The following SLC71A2 variants were observed in gnomAD, a reference collection of about 807,000 sequenced individuals.
SLC71A2 encodes solute carrier family 71 member 2, also known as hippocampus abundant transcript-like 1.
At chr9:94,375,622 A>AT in the SLC71A2 span, among the ~76,000 whole-genome samples, 30,434 of 147,938 alleles carry the variant, frequency 0.21, 3,151 homozygotes, top group Middle Eastern at 0.29. Flanking sequence ...TTTAAAAAGG[A>AT]TTTTTTTTTT....
At chr9:94,450,798 C>T in the SLC71A2 span, among the ~76,000 whole-genome samples, 8 of 152,232 alleles carry the variant, frequency 5.3e-5, no homozygotes, top group African/African-American at 1.7e-4. Context: ...CCCAAAATAA[C>T]GTAACTTTTA....
At chr9:94,382,020 A>G in the SLC71A2 span, among the ~76,000 whole-genome samples, 4 of 149,660 alleles carry the variant, frequency 2.7e-5, no homozygotes, top group Non-Finnish European at 5.9e-5. Context: ...GTATCTTTCC[A>G]TAAGTTTTTT....
chr9:94,400,861 T>G, the SLC71A2 span, among the ~76,000 whole-genome samples: 1 of 152,210 alleles, frequency 6.6e-6, no homozygotes, highest in Non-Finnish European at 1.5e-5. Flanking sequence ...GTCCTGTGCT[T>G]CATCCATTTA....
chr9:94,431,433 T>C, the SLC71A2 span, among the ~76,000 whole-genome samples: 2 of 151,656 alleles, frequency 1.3e-5, no homozygotes, highest in African/African-American at 4.8e-5. Context: ...ATAAATCATA[T>C]TTATTATTTG....
the SLC71A2 span, among the ~76,000 whole-genome samples, chr9:94,414,490 CTTA>C: frequency 1.3e-5 from 2 of 152,174 alleles, no homozygotes; most frequent in Middle Eastern, 3.2e-3. Flanking sequence ...ACCCATCTCT[CTTA>C]TTATGTAGGT....
chr9:94,439,022 G>GTTTTTTTTTTTTTTTTT, the SLC71A2 span, among the ~76,000 whole-genome samples: 3 of 115,702 alleles, frequency 2.6e-5, no homozygotes, highest in Admixed American at 1.0e-4. Context: ...ATTTGAGTTC[G>GTTTTTTTTTTTTTTTTT]TTTTTTTTTT....
the SLC71A2 span, among the ~76,000 whole-genome samples, chr9:94,380,084 G>C: frequency 1.3e-5 from 2 of 152,216 alleles, no homozygotes; most frequent in African/African-American, 4.8e-5. Flanking sequence ...TGGCTGACGC[G>C]GTGAAACCCT....
the SLC71A2 span, among the ~76,000 whole-genome samples, chr9:94,414,557 A>T: frequency 6.6e-6 from 1 of 152,218 alleles, no homozygotes; most frequent in Non-Finnish European, 1.5e-5. Flanking sequence ...GTAATTCGTA[A>T]GGGACAGAGC....
At chr9:94,444,796 TCTTA>T in the SLC71A2 span, among the ~76,000 whole-genome samples, 4 of 152,254 alleles carry the variant, frequency 2.6e-5, no homozygotes, top group Non-Finnish European at 4.4e-5. Context: ...ATTTCTTTTG[TCTTA>T]CTTAAAGCCA....
the SLC71A2 span, chr9:94,459,559 T>A: frequency 1.5e-6 from 1 of 668,730 alleles, no homozygotes; most frequent in Non-Finnish European, 2.4e-6. Flanking sequence ...ATCATTCTGC[T>A]CATCCTCCTC....
At chr9:94,427,857 C>T in the SLC71A2 span, among the ~76,000 whole-genome samples, 2 of 147,034 alleles carry the variant, frequency 1.4e-5, no homozygotes, top group African/African-American at 5.1e-5. Context: ...GGAGCAGTGG[C>T]TCACGCCTGT....
At chr9:94,402,331 C>T in the SLC71A2 span, among the ~76,000 whole-genome samples, 1 of 152,152 alleles carries the variant, frequency 6.6e-6, no homozygotes, top group Non-Finnish European at 1.5e-5. Flanking sequence ...TCTTTTCTCT[C>T]TATTGCATTT....
At chr9:94,410,792 G>GTCTCA in the SLC71A2 span, among the ~76,000 whole-genome samples, 1 of 152,186 alleles carries the variant, frequency 6.6e-6, no homozygotes, top group African/African-American at 2.4e-5. Context: ...TTGAGATGGA[G>GTCTCA]TCTCACTCTT....
chr9:94,406,158 C>G, the SLC71A2 span, among the ~76,000 whole-genome samples: 12 of 130,392 alleles, frequency 9.2e-5, no homozygotes, highest in African/African-American at 3.2e-4. Context: ...AACTTGAACT[C>G]CCAGTTTCAA....
the SLC71A2 span, chr9:94,438,301 C>T: frequency 1.1e-5 from 15 of 1,367,364 alleles, no homozygotes; most frequent in South Asian, 1.9e-4. Flanking sequence ...GTTTTGGGGG[C>T]AGTACAATGA....
the SLC71A2 span, among the ~76,000 whole-genome samples, chr9:94,411,740 G>A: frequency 1.3e-4 from 20 of 152,048 alleles, no homozygotes; most frequent in South Asian, 8.3e-4. Flanking sequence ...ACAGGCACCC[G>A]CCACCAAGCC....
chr9:94,408,792 GA>G, the SLC71A2 span, among the ~76,000 whole-genome samples: 2 of 141,442 alleles, frequency 1.4e-5, no homozygotes, highest in Non-Finnish European at 3.1e-5. Context: ...TGGTTTTGTT[GA>G]TTTTCTCTTC....
At chr9:94,433,661 C>T in the SLC71A2 span, among the ~76,000 whole-genome samples, 38 of 152,098 alleles carry the variant, frequency 2.5e-4, no homozygotes, top group African/African-American at 8.2e-4. Flanking sequence ...AGAACTATGA[C>T]TAAAGTATTA....
At chr9:94,458,237 A>G in the SLC71A2 span, 3 of 1,224,790 alleles carry the variant, frequency 2.4e-6, no homozygotes, top group Non-Finnish European at 3.4e-6. Context: ...TTAGTGTATC[A>G]TGGTTATGAG....
Sources: allele counts gnomAD v4.1 joint callset (sites outside exome capture counted in the v4.1 genomes callset), GRCh38; gene constraint gnomAD v4.1.1; transcripts MANE v1.5; gene names NCBI Gene and HGNC (gene_info 2026-07-23, HGNC 2026-07-21).